The following ZIM3 variants were observed in gnomAD, a reference collection of about 807,000 sequenced individuals.
The protein encoded by ZIM3 is zinc finger imprinted 3.
ZIM3 carries 11 observed loss-of-function variants against 12.9 expected under a neutral mutation model. The observed-to-expected ratio is 0.85, with a 90% CI of 0.54 to 1.41. The LOEUF (loss-of-function observed/expected upper bound fraction) is 1.41, where lower values mean the gene tolerates loss of function less well. Among genes scored for constraint, ZIM3 ranks in the 40% most tolerant of loss-of-function variants. The pLI, the probability that ZIM3 is intolerant of heterozygous loss-of-function variation, is 0.00. For synonymous variants in ZIM3, 205 were observed against 198.5 expected, an observed-to-expected ratio of 1.03 and a Z score of -0.28; for missense variants, 604 against 557.2, an observed-to-expected ratio of 1.08 and a Z score of -0.85.
chr19:57,138,481 C>T lies in ZIM3; in HGVS notation c.133G>A (p.Val45Ile), dbSNP rs766291378. ...GGGAAGCCGTCCTTACCCACAGAGA[C>T]AAGGTTGCTGTAATTCTCCAGCATC... ...DVMLENYSNL[V>I]SVGQGETTKP... Residue 45 changes from valine to isoleucine, a missense_variant, in exon 3 of 5, where the codon GTC becomes ATC. Physicochemically the swap from Val to Ile is conservative, Grantham distance 29. Coordinates refer to ENST00000269834, the MANE Select transcript of ZIM3 (RefSeq NM_052882.1). The T allele has an allele frequency of 4.3e-6, 7 of 1,614,206 alleles. No homozygotes were observed. Among genetic ancestry groups the T allele is most frequent in the Middle Eastern group, 1.6e-4 (1 of 6,062 alleles).
intron 3 of ZIM3, among the ~76,000 whole-genome samples, chr19:57,137,242 T>A (rs1472615121): frequency 6.6e-6 from 1 of 152,116 alleles, no homozygotes; most frequent in Non-Finnish European, 1.5e-5. Flanking sequence ...CCCAGCACTT[T>A]GGGAGGCCGA....
At chr19:57,139,875 G>T (rs376017765) in intron 2 of ZIM3, among the ~76,000 whole-genome samples, 15 of 152,276 alleles carry the variant, frequency 9.9e-5, no homozygotes, top group African/African-American at 3.6e-4. Context: ...GCATTTGGGA[G>T]AAACAGGTGA....
intron 2 of ZIM3, among the ~76,000 whole-genome samples, chr19:57,139,770 A>G (rs1003209946): frequency 6.6e-6 from 1 of 152,286 alleles, no homozygotes; most frequent in Non-Finnish European, 1.5e-5. Context: ...ATAGCCCCCT[A>G]ATTCTTCCAG....
At chr19:57,142,142 C>CTTTT (rs35172118) in intron 2 of ZIM3, among the ~76,000 whole-genome samples, 2,186 of 112,342 alleles carry the variant, frequency 0.019, 117 homozygotes, top group African/African-American at 0.07. Flanking sequence ...CGTAACCAAG[C>CTTTT]TTTTTTTTTT....
At chr19:57,143,274 T>A (rs1338156103) in intron 1 of ZIM3, among the ~76,000 whole-genome samples, 1 of 147,038 alleles carries the variant, frequency 6.8e-6, no homozygotes, top group South Asian at 2.1e-4. Context: ...GAGCTTGCAG[T>A]GAGCCGAGAT....
Position 57,141,715 on chromosome 19 carries a change from G to A in ZIM3, c.15+914C>T, listed in dbSNP as rs138236530. Among the ~76,000 whole-genome samples the A allele has an allele frequency of 5.2e-3, 783 of 151,860 alleles. 11 individuals are homozygous for A. The highest frequency in any genetic ancestry group is 0.018 in the African/African-American group (765 of 41,400). On this transcript the variant is annotated intron_variant, in intron 2 of 4. Transcript: ENST00000269834. The stretch of plus-strand genomic sequence containing the variant: ...AAAAATACAAAAATTAGCCAGGAGT[G>A]GTGGTGCGCACACCTGTAATCCCAG...
chr19:57,143,675 CTT>C (rs71186226), intron 1 of ZIM3, among the ~76,000 whole-genome samples: 2,742 of 138,868 alleles, frequency 0.02, 32 homozygotes, highest in African/African-American at 0.037. Flanking sequence ...CCAGGAGTTA[CTT>C]TTTTTTTTTT....
intron 3 of ZIM3, 140 bp downstream of exon 3, chr19:57,138,332 C>A (rs2086899121): frequency 3.2e-6 from 4 of 1,248,874 alleles, no homozygotes; most frequent in African/African-American, 1.5e-5. Flanking sequence ...ACTTCACTTG[C>A]CTCACCCTAG....
chr19:57,143,217 G>A (rs1045806698), intron 1 of ZIM3, among the ~76,000 whole-genome samples: 2 of 151,976 alleles, frequency 1.3e-5, no homozygotes, highest in Non-Finnish European at 2.9e-5. Context: ...TGTAGTCCCA[G>A]CTACTCGGGA....
rs930978385 is a variant in ZIM3 at position 57,135,618 on chromosome 19, TGAAA to T, written c.715_718del (p.Phe239AsnfsTer84). On this transcript the variant is annotated frameshift_variant, in exon 5 of 5. Coordinates refer to ENST00000269834, the MANE Select transcript of ZIM3 (RefSeq NM_052882.1). LOFTEE classifies it low-confidence loss of function (END_TRUNC). ...CTCTTTAGTATGCATTTTCTGATGTTGAAAGAGATTTGACTTCTGCTTGTAGGCA... is the reference window on the plus strand; with the variant it reads ...CTCTTTAGTATGCATTTTCTGATGTTGAGATTTGACTTCTGCTTGTAGGCA... 8.7e-6 allele frequency: 14 copies of T among 1,611,948 alleles called. No individual in the cohort carries two copies. Among genetic ancestry groups the T allele is most frequent in the Non-Finnish European group, 1.1e-5 (13 of 1,178,262 alleles).
rs747978388 is a variant in ZIM3 at position 57,134,912 on chromosome 19, G to A, written c.*6C>T. On this transcript the variant is annotated 3_prime_UTR_variant, in exon 5 of 5. Transcript: ENST00000269834. ...CTTCCCATGTTTTTTTAAGTGCATG[G>A]GGCTCCTATCTGGAGTGAATTCTTT... The A allele has an allele frequency of 3.8e-6, 6 of 1,599,802 alleles. No homozygotes were observed. The African/African-American group carries it at 6.8e-5, about 18-fold the overall frequency.
rs144549992 is a variant in ZIM3 at position 57,135,177 on chromosome 19, C to T, written c.1160G>A (p.Gly387Glu). The T allele has an allele frequency of 7.8e-5, 126 of 1,613,856 alleles. No homozygotes were observed. In the African/African-American group the frequency reaches 1.5e-3, roughly 19 times the overall value. ...TCTGTTACATTCATAGGGCTTTTCC[C>T]CAGTATGGATTTTTTTATGTTGAAT... Reference protein sequence around the residue: ...NLIQHKKIHTGEKPYECNRCG... With the variant: ...NLIQHKKIHTEEKPYECNRCG... The change falls in exon 5 of 5, where the codon GGG (glycine) becomes GAG (glutamate). Residue 387 changes from glycine (G) to glutamate (E), a missense_variant. Transcript: ENST00000269834.
rs762808889 is a variant in ZIM3 at position 57,135,596 on chromosome 19, T to C, written c.741A>G (p.Lys247=). The C allele has an allele frequency of 7.4e-6, 12 of 1,614,050 alleles. No individual in the cohort carries two copies. Among genetic ancestry groups the C allele is most frequent in the Non-Finnish European group, 1.0e-5 (12 of 1,180,006 alleles). The change falls in exon 5 of 5, where the codon AAA becomes AAG. Residue 247 remains lysine, a synonymous_variant. Coordinates refer to ENST00000269834, the MANE Select transcript of ZIM3 (RefSeq NM_052882.1). ...ATGTCTTACACTGATAGGGTTTCTCTTTAGTATGCATTTTCTGATGTTGAA... is the reference window on the plus strand; with the variant it reads ...ATGTCTTACACTGATAGGGTTTCTCCTTAGTATGCATTTTCTGATGTTGAA... The part of the protein sequence containing the change: ...NLFQHQKMHT[K]EKPYQCKTCG...
At chr19:57,137,968 AAAGAAGGAAGGAAAG>A (rs2086895908) in intron 3 of ZIM3, among the ~76,000 whole-genome samples, 1 of 68,384 alleles carries the variant, frequency 1.5e-5, no homozygotes, top group African/African-American at 7.3e-5. Flanking sequence ...GGAAGGAAGG[AAAGAAGGAAGGAAAG>A]AAGGAAGGAA....
chr19:57,135,275 C>T lies in ZIM3; in HGVS notation c.1062G>A (p.Glu354=). ...FSQKSNVIDH[E]KIHTGKRAYE... is the part of the protein sequence containing the mutation. ...AAGCTCTCTTCCCAGTGTGAATTTT[C>T]TCATGATCGATGACATTGGATTTCT... is the stretch of plus-strand genomic sequence containing the variant. Residue 354 remains glutamate, a synonymous_variant, in exon 5 of 5, where the codon GAG becomes GAA. Coordinates refer to ENST00000269834, the MANE Select transcript of ZIM3 (RefSeq NM_052882.1). 1.2e-6 allele frequency: 2 copies of T among 1,614,086 alleles called. No individual in the cohort carries two copies. The highest frequency in any genetic ancestry group is 2.2e-5 in the East Asian group (1 of 44,862).
chr19:57,142,832 C>G (rs2086919623), intron 1 of ZIM3, 147 bp from the exon 2 acceptor site: 2 of 558,320 alleles, frequency 3.6e-6, no homozygotes. Flanking sequence ...TGATCCCCTT[C>G]TGAAGGTCTT....
intron 1 of ZIM3, among the ~76,000 whole-genome samples, chr19:57,143,255 C>A (rs1274383454): frequency 6.6e-6 from 1 of 151,342 alleles, no homozygotes; most frequent in Non-Finnish European, 1.5e-5. Context: ...GGCGGGAACC[C>A]GGGAGGCGGA....
chr19:57,142,794 C>T, intron 1 of ZIM3, 109 bp from the exon 2 acceptor site: 1 of 796,018 alleles, frequency 1.3e-6, no homozygotes. Context: ...CCCTAACCCA[C>T]TCAGAAAAGC....
intron 4 of ZIM3, 26 bp from the exon 5 acceptor site, chr19:57,136,121 C>T (rs763957306): frequency 3.7e-5 from 58 of 1,573,494 alleles, no homozygotes; most frequent in Non-Finnish European, 4.8e-5. Flanking sequence ...AAAAAATGTC[C>T]TGTGTAAAAC....
Sources: allele counts gnomAD v4.1 joint callset (sites outside exome capture counted in the v4.1 genomes callset), GRCh38; gene constraint gnomAD v4.1.1; transcripts MANE v1.5; gene names NCBI Gene and HGNC (gene_info 2026-07-23, HGNC 2026-07-21).